Variants in TGFBI observed in about 807,000 individuals in gnomAD.
TGFBI encodes transforming growth factor beta induced, also known as transforming growth factor-beta-induced protein ig-h3.
TGFBI carries 50 observed loss-of-function variants against 73.7 expected under a neutral mutation model. That is an observed-to-expected ratio of 0.68 (90% CI 0.54 to 0.86). The LOEUF is 0.86. TGFBI is among the 40% of genes least tolerant of loss of function. TGFBI has a pLI of 0.00. For synonymous variants in TGFBI, 362 were observed against 360.5 expected, an observed-to-expected ratio of 1.00 and a Z score of -0.05; for missense variants, 839 against 877.0, an observed-to-expected ratio of 0.96 and a Z score of 0.55.
At chr5:136,035,085 G>A (rs981786845) in intron 2 of TGFBI, among the ~76,000 whole-genome samples, 1 of 152,160 alleles carries the variant, frequency 6.6e-6, no homozygotes, top group Non-Finnish European at 1.5e-5. Context: ...AGGGAAGTTG[G>A]GATTCATGGC....
chr5:136,029,116 A>C lies in TGFBI; in HGVS notation c.61A>C (p.Thr21Pro), dbSNP rs1031985701. 2.0e-6 allele frequency: 3 copies of C among 1,525,042 alleles called. No homozygotes were observed. Among genetic ancestry groups the C allele is most frequent in the Non-Finnish European group, 2.6e-6 (3 of 1,143,106 alleles). 94.5% of individuals were successfully genotyped at this position (1,525,042 alleles called of 1,614,324 possible). Residue 21 changes from threonine to proline, a missense_variant, in exon 1 of 17, where the codon ACC (threonine) becomes CCC (proline). By Grantham distance (38) the Thr-to-Pro change is conservative. Transcript: ENST00000442011. ...GGCTCTGGCCCTGGGCCCCGCCGCGACCCTGGCGGGTCCCGCCAAGTCGCC... is the reference window on the plus strand; with the variant it reads ...GGCTCTGGCCCTGGGCCCCGCCGCGCCCCTGGCGGGTCCCGCCAAGTCGCC... ...ALALALGPAATLAGPAKSPYQ... is the reference protein window; with the variant it reads ...ALALALGPAAPLAGPAKSPYQ...
At position 136,035,352 on chromosome 5, in the gene TGFBI, A is replaced by G. The variant is rs551826170; in HGVS notation, c.233+1491A>G. Among the ~76,000 whole-genome samples the G allele has an allele frequency of 7.9e-5, 12 of 152,338 alleles. No homozygotes were observed. In the South Asian group the frequency reaches 2.1e-3, roughly 26 times the overall value. On this transcript the variant is annotated intron_variant, in intron 2 of 16. Transcript: ENST00000442011. ...ATAAGAAAAAAGATGGGCCGGGCACAGTGGCTCACGCCTGTAATCCCAACA... is the reference window on the plus strand; with the variant it reads ...ATAAGAAAAAAGATGGGCCGGGCACGGTGGCTCACGCCTGTAATCCCAACA...
intron 1 of TGFBI, among the ~76,000 whole-genome samples, chr5:136,030,695 C>T (rs1394395042): frequency 6.6e-6 from 1 of 152,198 alleles, no homozygotes; most frequent in Non-Finnish European, 1.5e-5. Context: ...ATTATCTCTG[C>T]CCACCTCTCC....
At chr5:136,056,359 G>T (rs906782180) in intron 11 of TGFBI, 10 of 318,864 alleles carry the variant, frequency 3.1e-5, no homozygotes, top group African/African-American at 2.1e-4. Context: ...CATATCCCTG[G>T]AGGCTCAGCT....
At chr5:136,054,919 T>A (rs766193267) in intron 10 of TGFBI, 58 bp downstream of exon 10, 6 of 1,567,982 alleles carry the variant, frequency 3.8e-6, no homozygotes, top group Non-Finnish European at 5.2e-6. Context: ...GGACTTGTAT[T>A]AGTGTAAAAA....
intron 7 of TGFBI, among the ~76,000 whole-genome samples, chr5:136,050,788 T>A (rs1751519917): frequency 6.6e-6 from 1 of 152,164 alleles, no homozygotes; most frequent in Non-Finnish European, 1.5e-5. Context: ...TGTGCAGGGA[T>A]GGGAAAGGGC....
At chr5:136,057,942 G>C (rs1751679217) in intron 12 of TGFBI, among the ~76,000 whole-genome samples, 1 of 152,246 alleles carries the variant, frequency 6.6e-6, no homozygotes, top group African/African-American at 2.4e-5. Flanking sequence ...AGCCAGCTTG[G>C]CTTTCTTTTT....
intron 2 of TGFBI, among the ~76,000 whole-genome samples, chr5:136,042,197 A>G (rs545754844): frequency 1.3e-5 from 2 of 152,358 alleles, no homozygotes; most frequent in East Asian, 1.9e-4. Context: ...CCCTAGTCCT[A>G]TGGGTTCAAG....
intron 2 of TGFBI, among the ~76,000 whole-genome samples, chr5:136,037,684 G>A (rs934219068): frequency 1.3e-5 from 2 of 152,206 alleles, no homozygotes; most frequent in African/African-American, 2.4e-5. Context: ...CTTCTCTGGA[G>A]CCAAGATGAG....
At chr5:136,058,874 G>C in intron 12 of TGFBI, 1 of 503,386 alleles carries the variant, frequency 2.0e-6, no homozygotes, top group South Asian at 3.7e-5. Flanking sequence ...GGGCAGATTT[G>C]TGGTCATGAA....
chr5:136,047,392 A>C lies in TGFBI; in HGVS notation c.743A>C (p.Glu248Ala). ...ACCAACAACATCCAGCAGATCATTGAGATCGAGGACACCTTTGAGACCCTT... is the reference window on the plus strand; with the variant it reads ...ACCAACAACATCCAGCAGATCATTGCGATCGAGGACACCTTTGAGACCCTT... ...TITNNIQQIIEIEDTFETLRA... is the reference protein window; with the variant it reads ...TITNNIQQIIAIEDTFETLRA... The change falls in exon 6 of 17, where the codon GAG becomes GCG. Residue 248 changes from glutamate (E) to alanine (A), a missense_variant. Transcript: ENST00000442011. 1.2e-6 allele frequency: 2 copies of C among 1,613,918 alleles called. No homozygotes were observed. The highest frequency in any genetic ancestry group is 1.7e-6 in the Non-Finnish European group (2 of 1,179,868).
At chr5:136,057,897 G>T (rs936687601) in intron 12 of TGFBI, among the ~76,000 whole-genome samples, 3 of 152,158 alleles carry the variant, frequency 2.0e-5, no homozygotes, top group Non-Finnish European at 4.4e-5. Context: ...TCCTCTCTCT[G>T]TCCAGCAAGA....
At chr5:136,043,723 C>T (rs1185867745) in intron 2 of TGFBI, among the ~76,000 whole-genome samples, 5 of 152,192 alleles carry the variant, frequency 3.3e-5, no homozygotes, top group African/African-American at 9.7e-5. Context: ...CACTCACCAT[C>T]GGCTTTCCTG....
rs775959665 is a variant in TGFBI, at chr5:136,046,327, T to C, written c.299-8T>C. 3 of 1,613,834 alleles carry C rather than the reference T, an allele frequency of 1.9e-6. No individual in the cohort carries two copies. The highest frequency in any genetic ancestry group is 1.7e-6 in the Non-Finnish European group (2 of 1,179,814). Reference sequence around the variant, plus strand: ...GGCCATCCCTCCTTCTGTCTTCTGCTCCTGCAGCCCTACCACTCTCAAACC... The same window carrying C: ...GGCCATCCCTCCTTCTGTCTTCTGCCCCTGCAGCCCTACCACTCTCAAACC... On this transcript the variant is annotated splice_region_variant and splice_polypyrimidine_tract_variant and intron_variant, in intron 3 of 16. Transcript: ENST00000442011.
rs1271048541 is a variant in TGFBI, at chr5:136,054,844, G to A, written c.1393G>A (p.Val465Ile). Reference sequence around the variant, plus strand: ...AACTCTGGGCGGCAAAAAACTGAGAGTTTTTGTTTATCGTAATGTAAGTTC... The same window carrying A: ...AACTCTGGGCGGCAAAAAACTGAGAATTTTTGTTTATCGTAATGTAAGTTC... ...LETLGGKKLR[V>I]FVYRNSLCIE... The change falls in exon 10 of 17, where the codon GTT (valine) becomes ATT (isoleucine). Residue 465 changes from valine (V) to isoleucine (I), a missense_variant. Val to Ile is a conservative substitution (Grantham distance 29). Transcript: ENST00000442011. The A allele has an allele frequency of 6.2e-7, 1 of 1,613,724 alleles. No individual in the cohort carries two copies. The highest frequency in any genetic ancestry group is 1.3e-5 in the African/African-American group (1 of 74,958).
chr5:136,050,446 C>T (rs1751515117), intron 7 of TGFBI, among the ~76,000 whole-genome samples: 1 of 152,030 alleles, frequency 6.6e-6, no homozygotes, highest in Admixed American at 6.5e-5. Flanking sequence ...ATTATTGCTG[C>T]AGGAGAGGGA....
chr5:136,062,595 G>C, intron 15 of TGFBI, 68 bp from the exon 16 acceptor site: 1 of 1,495,148 alleles, frequency 6.7e-7, no homozygotes, highest in Non-Finnish European at 9.1e-7. Flanking sequence ...AATGGGCAAA[G>C]CCATTGTCAT....
intron 2 of TGFBI, among the ~76,000 whole-genome samples, chr5:136,039,072 T>C (rs1289824660): frequency 8.5e-5 from 13 of 152,262 alleles, no homozygotes; most frequent in Non-Finnish European, 1.8e-4. Context: ...CTTTTATCAA[T>C]GGTCTCATGT....
At chr5:136,045,459 C>G (rs1054211495) in intron 3 of TGFBI, among the ~76,000 whole-genome samples, 4 of 152,042 alleles carry the variant, frequency 2.6e-5, no homozygotes, top group African/African-American at 9.7e-5. Context: ...GCAGGAGAAT[C>G]GCTTGTATCC....
Sources: gnomAD v4.1 joint callset for allele counts (sites outside exome capture counted in the v4.1 genomes callset) on GRCh38, gnomAD v4.1.1 for gene constraint, MANE v1.5 for transcripts, NCBI Gene and HGNC (gene_info 2026-07-23, HGNC 2026-07-21) for gene names.